Variants in BMX observed in about 807,000 individuals in gnomAD.
BMX encodes the protein cytoplasmic tyrosine-protein kinase BMX.
BMX carries 31 observed loss-of-function variants against 59.2 expected under a neutral mutation model. That is an observed-to-expected ratio of 0.52 (90% CI 0.39 to 0.71). The LOEUF is 0.71. Ranked by LOEUF, BMX falls within the 30% of genes least tolerant of loss-of-function variation. The probability of loss-of-function intolerance (pLI) is 0.00; values close to 1 mark genes in which losing one functional copy is unlikely to be tolerated. For synonymous variants in BMX, 185 were observed against 181.0 expected, an observed-to-expected ratio of 1.02 and a Z score of -0.18; for missense variants, 474 against 491.7, an observed-to-expected ratio of 0.96 and a Z score of 0.34.
intron 1 of BMX, among the ~76,000 whole-genome samples, chrX:15,504,476 C>T (rs1365742365): frequency 9.0e-6 from 1 of 111,412 alleles, no homozygotes; most frequent in Admixed American, 9.6e-5. Flanking sequence ...TGCAGCCCAT[C>T]TCTCAAACTT....
intron 18 of BMX, among the ~76,000 whole-genome samples, chrX:15,555,720 T>A (rs1393318291): frequency 8.9e-6 from 1 of 111,801 alleles, no homozygotes; most frequent in African/African-American, 3.2e-5. Context: ...TATATCCTGC[T>A]CTCCTAGTGA....
At position 15,556,163 on chromosome X, in the gene BMX, T is replaced by G; in HGVS notation, c.*16T>G. On this transcript the variant is annotated 3_prime_UTR_variant, in exon 19 of 19. Transcript: ENST00000348343. ...CAAGCATTGAAGAAGAAATTAGGAG[T>G]GCTGATAAGAATGAATATAGATGCT... 1 of 1,184,415 alleles carries G rather than the reference T, an allele frequency of 8.4e-7. No homozygotes were observed. Among genetic ancestry groups the G allele is most frequent in the Non-Finnish European group, 1.1e-6 (1 of 878,589 alleles).
At chrX:15,529,926 A>C in intron 9 of BMX, 47 bp from the exon 10 acceptor site, 1 of 1,117,400 alleles carries the variant, frequency 8.9e-7, no homozygotes, top group Non-Finnish European at 1.2e-6. Context: ...CAAGCTATAC[A>C]ATCTAAAACT....
intron 14 of BMX, among the ~76,000 whole-genome samples, chrX:15,541,086 G>A (rs752262016): frequency 1.8e-5 from 2 of 109,608 alleles, no homozygotes; most frequent in South Asian, 3.9e-4. Context: ...TCATGAGAAA[G>A]GTAATTAAGG....
intron 6 of BMX, among the ~76,000 whole-genome samples, chrX:15,520,022 A>G (rs1427636361): frequency 8.9e-6 from 1 of 111,965 alleles, no homozygotes; most frequent in Non-Finnish European, 1.9e-5. Context: ...AAACCATAGC[A>G]ACTTGGAACC....
intron 12 of BMX, 95 bp from the exon 13 acceptor site, chrX:15,536,258 G>A (rs1243257123): frequency 1.1e-6 from 1 of 896,472 alleles, no homozygotes; most frequent in African/African-American, 2.0e-5. Context: ...TGCTTTTTCA[G>A]CCACTTTGGA....
chrX:15,525,982 C>T (rs1054185403), intron 8 of BMX, 60 bp from the exon 9 acceptor site: 33 of 996,439 alleles, frequency 3.3e-5, no homozygotes, highest in Non-Finnish European at 3.9e-5. Context: ...TGCATGGCTA[C>T]GCACTTGGAT....
intron 14 of BMX, among the ~76,000 whole-genome samples, chrX:15,538,853 G>T (rs1401172341): frequency 9.0e-6 from 1 of 111,149 alleles, no homozygotes; most frequent in Non-Finnish European, 1.9e-5. Flanking sequence ...ATAGGCCTTT[G>T]GCCCTAGCTG....
At chrX:15,522,319 T>C in intron 6 of BMX, 27 bp from the exon 7 acceptor site, 1 of 1,206,276 alleles carries the variant, frequency 8.3e-7, no homozygotes, top group Non-Finnish European at 1.1e-6. Flanking sequence ...CTCACTGTGA[T>C]GTATTAAAAT....
At position 15,509,372 on chromosome X, in the gene BMX, G is replaced by A. The variant is rs1602324611; in HGVS notation, c.182G>A (p.Arg61Lys). 8.3e-7 allele frequency: 1 copy of A among 1,208,772 alleles called. No homozygotes were observed. Residue 61 changes from arginine to lysine, a missense_variant, in exon 3 of 19, where the codon AGA becomes AAA. Coordinates refer to ENST00000348343, the MANE Select transcript of BMX (RefSeq NM_203281.3). Reference protein sequence around the residue: ...RKGSIEIKKIRCVEKVNLEEQ... With the variant: ...RKGSIEIKKIKCVEKVNLEEQ... ...GGATCCATTGAAATTAAGAAAATCA[G>A]ATGTGTGGAGAAAGTAAATCTCGAG...
At chrX:15,550,731 A>G (rs979314145) in intron 18 of BMX, among the ~76,000 whole-genome samples, 4 of 108,215 alleles carry the variant, frequency 3.7e-5, no homozygotes, top group Non-Finnish European at 5.7e-5. Context: ...TGAAAACACC[A>G]AGCAGTTTAT....
intron 10 of BMX, among the ~76,000 whole-genome samples, chrX:15,530,714 G>C (rs1925026775): frequency 8.9e-6 from 1 of 112,001 alleles, no homozygotes; most frequent in African/African-American, 3.3e-5. Context: ...ATGTGATACA[G>C]AACATGTTTA....
chrX:15,536,499 T>C, intron 13 of BMX, 72 bp downstream of exon 13: 1 of 723,869 alleles, frequency 1.4e-6, no homozygotes, highest in Non-Finnish European at 1.8e-6. Context: ...GTTAATTTAC[T>C]GGCAAAAAAA....
intron 16 of BMX, among the ~76,000 whole-genome samples, chrX:15,545,792 G>A (rs963165511): frequency 9.0e-6 from 1 of 111,157 alleles, no homozygotes; most frequent in Non-Finnish European, 1.9e-5. Context: ...TGGGGGTGGG[G>A]GATCTCTCCT....
intron 10 of BMX, 44 bp downstream of exon 10, chrX:15,530,071 C>A (rs773215302): frequency 8.9e-7 from 1 of 1,127,241 alleles, no homozygotes; most frequent in Non-Finnish European, 1.2e-6. Context: ...AATCTCTTTG[C>A]ATTTTGGGGT....
chrX:15,537,894 T>C (rs1041276749), intron 14 of BMX, among the ~76,000 whole-genome samples: 5 of 111,040 alleles, frequency 4.5e-5, no homozygotes, highest in African/African-American at 1.6e-4. Context: ...GGAGTAGGCA[T>C]GTCTCCTTGG....
intron 1 of BMX, chrX:15,507,498 G>A: frequency 4.7e-6 from 2 of 423,755 alleles, no homozygotes; most frequent in African/African-American, 2.7e-5. Context: ...ACAAAGCAAA[G>A]AAGAACATAA....
intron 14 of BMX, among the ~76,000 whole-genome samples, chrX:15,539,974 C>A (rs1377585307): frequency 1.8e-5 from 2 of 112,403 alleles, no homozygotes; most frequent in African/African-American, 3.2e-5. Flanking sequence ...CGCTTTTACA[C>A]TGTTGGTGGG....
At chrX:15,506,739 C>T (rs1923756702) in intron 1 of BMX, among the ~76,000 whole-genome samples, 1 of 112,146 alleles carries the variant, frequency 8.9e-6, no homozygotes, top group Admixed American at 9.4e-5. Context: ...CTGATCTCTG[C>T]CCTGTCTTTG....
Sources: gnomAD v4.1 joint callset for allele counts (sites outside exome capture counted in the v4.1 genomes callset) on GRCh38, gnomAD v4.1.1 for gene constraint, MANE v1.5 for transcripts, NCBI Gene and HGNC (gene_info 2026-07-23, HGNC 2026-07-21) for gene names.